CAMTA1: variants seen among roughly 807,000 people sequenced by gnomAD.
CAMTA1 encodes calmodulin binding transcription activator 1, also known as calmodulin-binding transcription activator 1.
CAMTA1 carries 27 observed loss-of-function variants against 170.9 expected under a neutral mutation model. The ratio of observed to expected loss-of-function variants is 0.16; its 90% CI spans 0.12 to 0.22. The LOEUF is 0.22. Among genes scored for constraint, CAMTA1 ranks in the 10% least tolerant of loss-of-function variants. The pLI, the probability that CAMTA1 is intolerant of heterozygous loss-of-function variation, is 1.00. For synonymous variants in CAMTA1, 833 were observed against 891.5 expected (o/e 0.93, Z 1.17); for missense variants, 1,619 against 2,217.2 (o/e 0.73, Z 5.42).
intron 8 of CAMTA1, among the ~76,000 whole-genome samples, chr1:7,662,544 G>T (rs969389912): frequency 6.6e-6 from 1 of 152,144 alleles, no homozygotes; most frequent in African/African-American, 2.4e-5. Context: ...CAGATGAAAT[G>T]AAAATGGTGA....
intron 3 of CAMTA1, among the ~76,000 whole-genome samples, chr1:6,872,809 A>T (rs1346441407): frequency 6.6e-6 from 1 of 152,224 alleles, no homozygotes; most frequent in African/African-American, 2.4e-5. Flanking sequence ...AGCATGGCCC[A>T]CTGAAGCACA....
Position 7,090,906 on chromosome 1 carries a change from A to T in CAMTA1, c.235-398A>T, listed in dbSNP as rs371562852. Among the ~76,000 whole-genome samples the T allele has an allele frequency of 1.3e-5, 2 of 152,222 alleles. 1 individual carries two copies. The highest frequency in any genetic ancestry group is 4.1e-4 in the South Asian group (2 of 4,830). ...ACGTCTCTTGTGACAGAGATGAAAG[A>T]TTCGTCCAGCTTCAGAAAAGGACGA... On this transcript the variant is annotated intron_variant, in intron 3 of 22. Coordinates refer to ENST00000303635, the MANE Select transcript of CAMTA1 (RefSeq NM_015215.4).
In CAMTA1 at chr1:7,219,112, C is replaced by T. The variant is rs141861885; in HGVS notation, c.303-30379C>T. 9.5e-4 allele frequency among the ~76,000 whole-genome samples: 145 copies of T among 152,300 alleles called. 1 individual carries two copies. Among genetic ancestry groups the T allele is most frequent in the Middle Eastern group, 3.4e-3 (1 of 294 alleles). The stretch of plus-strand genomic sequence containing the variant: ...TATCTTTAAAAGGTCTGCTCTCTTA[C>T]GAAGGTGAAGTGTCTCCCCTGTAAG... On this transcript the variant is annotated intron_variant, in intron 4 of 22. Transcript: ENST00000303635.
intron 11 of CAMTA1, among the ~76,000 whole-genome samples, chr1:7,707,534 C>T (rs1173780610): frequency 2.0e-5 from 3 of 152,188 alleles, no homozygotes; most frequent in Non-Finnish European, 1.5e-5. Context: ...CACCACCATG[C>T]CCGGCTAATT....
intron 5 of CAMTA1, among the ~76,000 whole-genome samples, chr1:7,276,303 A>ATATATATATTTTTTTTTTTT: frequency 8.3e-5 from 2 of 24,226 alleles, no homozygotes; most frequent in African/African-American, 6.0e-4. Context: ...ATATATATAT[A>ATATATATATTTTTTTTTTTT]TTTTTTTTTT....
chr1:7,237,131 G>A (rs1464482980), intron 4 of CAMTA1, among the ~76,000 whole-genome samples: 3 of 152,202 alleles, frequency 2.0e-5, no homozygotes, highest in African/African-American at 7.2e-5. Flanking sequence ...CTGACCTAGG[G>A]TTTGGGTTCC....
At chr1:7,035,135 C>T (rs1458718676) in intron 3 of CAMTA1, among the ~76,000 whole-genome samples, 14 of 152,276 alleles carry the variant, frequency 9.2e-5, no homozygotes, top group Non-Finnish European at 2.9e-5. Flanking sequence ...GAGGCGGTGG[C>T]TCATACCTGT....
chr1:7,191,167 C>G (rs1654448812), intron 4 of CAMTA1, among the ~76,000 whole-genome samples: 1 of 152,198 alleles, frequency 6.6e-6, no homozygotes, highest in Non-Finnish European at 1.5e-5. Flanking sequence ...AGGAGCTTGT[C>G]AGCCATCTCT....
At chr1:7,578,530 C>T (rs1173120888) in intron 6 of CAMTA1, among the ~76,000 whole-genome samples, 1 of 152,202 alleles carries the variant, frequency 6.6e-6, no homozygotes, top group Non-Finnish European at 1.5e-5. Flanking sequence ...ACAGGGTCGC[C>T]GGAAAGGACA....
chr1:7,404,604 C>T (rs115482496), intron 5 of CAMTA1, among the ~76,000 whole-genome samples: 1,727 of 152,210 alleles, frequency 0.011, 23 homozygotes, highest in African/African-American at 0.039. Context: ...GTTTTGGGGA[C>T]CCTCTCCTCA....
At chr1:7,269,554 T>C (rs1261708586) in intron 5 of CAMTA1, among the ~76,000 whole-genome samples, 1 of 152,212 alleles carries the variant, frequency 6.6e-6, no homozygotes, top group African/African-American at 2.4e-5. Context: ...TAGATTTCAT[T>C]TGGGGTCATT....
chr1:7,473,661 A>G (rs2093371418), intron 6 of CAMTA1, among the ~76,000 whole-genome samples: 1 of 152,220 alleles, frequency 6.6e-6, no homozygotes, highest in African/African-American at 2.4e-5. Context: ...GAATCTTTTC[A>G]GAGGGACAGG....
intron 6 of CAMTA1, among the ~76,000 whole-genome samples, chr1:7,597,470 C>T (rs2095408904): frequency 6.6e-6 from 1 of 152,142 alleles, no homozygotes; most frequent in Admixed American, 6.5e-5. Flanking sequence ...ACTTCGCAAC[C>T]CCTGAGTATT....
intron 6 of CAMTA1, among the ~76,000 whole-genome samples, chr1:7,595,356 T>C (rs372448457): frequency 6.6e-6 from 1 of 152,240 alleles, no homozygotes; most frequent in African/African-American, 2.4e-5. Context: ...GAGAGCCCTT[T>C]AATGGAGCAT....
intron 5 of CAMTA1, among the ~76,000 whole-genome samples, chr1:7,406,051 A>G (rs1439969612): frequency 1.3e-5 from 2 of 152,232 alleles, no homozygotes; most frequent in Non-Finnish European, 2.9e-5. Context: ...TTAAATGGTG[A>G]GGAACAGGGG....
intron 3 of CAMTA1, among the ~76,000 whole-genome samples, chr1:6,997,304 G>A (rs1423604624): frequency 6.6e-6 from 1 of 152,044 alleles, no homozygotes; most frequent in Non-Finnish European, 1.5e-5. Flanking sequence ...GAGGGGATGC[G>A]TTAAAGTCTC....
intron 1 of CAMTA1, among the ~76,000 whole-genome samples, chr1:6,798,785 A>G (rs192484863): frequency 0.094 from 11,521 of 122,896 alleles, 91 homozygotes; most frequent in East Asian, 0.14. Flanking sequence ...TTTAGTAGAG[A>G]CGGGGTTTCA....
chr1:7,697,364 A>C (rs1183656995), intron 11 of CAMTA1, among the ~76,000 whole-genome samples: 1 of 152,154 alleles, frequency 6.6e-6, no homozygotes, highest in Middle Eastern at 3.2e-3. Flanking sequence ...AGGAGCCTGA[A>C]TCTTAGAGGA....
intron 3 of CAMTA1, among the ~76,000 whole-genome samples, chr1:6,908,019 A>G (rs1678917842): frequency 6.6e-6 from 1 of 152,104 alleles, no homozygotes; most frequent in Admixed American, 6.5e-5. Flanking sequence ...TGCCTACTGG[A>G]GCCAGGCTGG....
Sources: allele counts gnomAD v4.1 joint callset (sites outside exome capture counted in the v4.1 genomes callset), GRCh38; gene constraint gnomAD v4.1.1; transcripts MANE v1.5; gene names NCBI Gene and HGNC (gene_info 2026-07-23, HGNC 2026-07-21).